ARL10: variants seen among roughly 807,000 people sequenced by gnomAD.
The protein encoded by ARL10 is ADP-ribosylation factor-like protein 10.
ARL10 carries 23 observed loss-of-function variants against 26.1 expected under a neutral mutation model. The ratio of observed to expected loss-of-function variants is 0.88; its 90% confidence interval spans 0.63 to 1.25. The LOEUF (loss-of-function observed/expected upper bound fraction) is 1.25. ARL10 is among the 50% of genes most tolerant of loss of function. The pLI, the probability that ARL10 is intolerant of heterozygous loss-of-function variation, is 0.00. For missense variants in ARL10, 300 were observed against 323.6 expected, an observed-to-expected ratio of 0.93 and a Z score of 0.56; for synonymous variants, 138 against 149.1, an observed-to-expected ratio of 0.93 and a Z score of 0.54.
chr5:176,394,751 G>A (rs550814307), intron 1 of ARL10, among the ~76,000 whole-genome samples: 1 of 152,024 alleles, frequency 6.6e-6, no homozygotes, highest in Non-Finnish European at 1.5e-5. Context: ...GGAGGCGGAG[G>A]TTGCAGTGAG....
chr5:176,369,155 GCCTC>G (rs1561772913), intron 3 of ARL10, 173 bp downstream of exon 3: 1 of 1,534,370 alleles, frequency 6.5e-7, no homozygotes, highest in East Asian at 2.4e-5. Context: ...CTTCCTCTTT[GCCTC>G]CCTATCATCT....
rs1164919828 is a variant in ARL10, at chr5:176,368,615, T to C, written c.386-192T>C. Among the ~76,000 whole-genome samples the C allele has an allele frequency of 1.3e-5, 2 of 151,824 alleles. No homozygotes were observed. The highest frequency in any genetic ancestry group is 2.9e-5 in the Non-Finnish European group (2 of 67,960). On this transcript the variant is annotated intron_variant, in intron 2 of 3. Coordinates refer to ENST00000310389, the MANE Select transcript of ARL10 (RefSeq NM_173664.6). This position sits in a 1 kb window ranked among gnomAD's most constrained non-coding sequence, Gnocchi z 4.1. ...CTGAGTAGCTGCGGAAACTGCGGTC[T>C]TTTCCTTGCCCCCGGCTGGTGGAAG...
At chr5:176,385,422 A>C (rs1238510221), downstream of ARL10, 10 of 758,234 alleles carry the variant, frequency 1.3e-5, no homozygotes, top group Admixed American at 3.9e-5. Flanking sequence ...CTCCCAAGCC[A>C]CAAGACCCAC....
At chr5:176,386,342 AG>A (rs1383911819), downstream of ARL10, 8 of 198,306 alleles carry the variant, frequency 4.0e-5, no homozygotes, top group Non-Finnish European at 8.4e-5. Context: ...CTTTATCTTT[AG>A]GGGAGCTGCT....
intron 1 of ARL10, chr5:176,387,078 C>CTTT: frequency 8.4e-6 from 2 of 237,590 alleles, no homozygotes; most frequent in Non-Finnish European, 8.3e-6. Flanking sequence ...CTCTCTCTCT[C>CTTT]TTTTTTTTTT....
At chr5:176,386,826 T>C (rs1262375452), downstream of ARL10, 3 of 1,611,898 alleles carry the variant, frequency 1.9e-6, no homozygotes, top group Non-Finnish European at 2.5e-6. Flanking sequence ...AAGGAATATA[T>C]GGACCACACC....
downstream of ARL10, chr5:176,393,059 G>A: frequency 1.7e-6 from 2 of 1,204,912 alleles, no homozygotes; most frequent in East Asian, 2.3e-5. This position sits in a 1 kb window ranked among gnomAD's most constrained non-coding sequence, Gnocchi z 4.4. Context: ...CCCCAGCCTT[G>A]TGCCCCCCTG....
In ARL10 at chr5:176,400,229, A is replaced by G. The variant is rs138900886; in HGVS notation, c.134-1512A>G. 5.5e-3 allele frequency among the ~76,000 whole-genome samples: 838 copies of G among 152,084 alleles called. 18 individuals are homozygous for G. Among genetic ancestry groups the G allele is most frequent in the Admixed American group, 0.037 (572 of 15,264 alleles). ...AAAAAGAAAGAAAGAAAGAAAGAAA[A>G]AAAGGAATAATATTAAGAACACCTC... On this transcript the variant is annotated intron_variant, in intron 1 of 1. Transcript: ENST00000514533.
intron 1 of ARL10, 65 bp from the exon 2 acceptor site, chr5:176,366,315 G>A: frequency 1.3e-6 from 2 of 1,526,412 alleles, no homozygotes; most frequent in Non-Finnish European, 1.8e-6. Context: ...GGTGCCTTCG[G>A]TCTTCCCTCG....
At chr5:176,402,366 A>G (rs1284773830), downstream of ARL10, among the ~76,000 whole-genome samples, 1 of 152,220 alleles carries the variant, frequency 6.6e-6, no homozygotes, top group Non-Finnish European at 1.5e-5. Flanking sequence ...ACAAAATTCA[A>G]GTGATCTGGT....
rs1329017230 is a variant in ARL10 at position 176,376,432 on chromosome 5, TG to T, written c.*4539del. Reference sequence around the variant, plus strand: ...GTTTCAGGGTGACTTATTGGGAAAATGGAGAGATACTGGCATTAATGGAATC... The same window carrying T: ...GTTTCAGGGTGACTTATTGGGAAAATGAGAGATACTGGCATTAATGGAATC... On this transcript the variant is annotated 3_prime_UTR_variant, in exon 4 of 4. Transcript: ENST00000310389. 1.4e-5 allele frequency: 2 copies of T among 147,044 alleles called. No homozygotes were observed. Among genetic ancestry groups the T allele is most frequent in the Non-Finnish European group, 3.0e-5 (2 of 67,128 alleles). The allele number at this position is 147,044 out of a possible 1,614,324, so 9.1% of individuals were successfully genotyped here.
chr5:176,397,291 G>T (rs529011743), intron 1 of ARL10, among the ~76,000 whole-genome samples: 1 of 151,626 alleles, frequency 6.6e-6, no homozygotes, highest in African/African-American at 2.4e-5. Flanking sequence ...GCAGTGTTCA[G>T]TCATGTCCCC....
chr5:176,388,707 G>A, downstream of ARL10: 1 of 1,457,248 alleles, frequency 6.9e-7, no homozygotes. Flanking sequence ...GATGCAACGA[G>A]CATTTGCGCC....
At chr5:176,394,557 C>T (rs1324657788) in intron 1 of ARL10, among the ~76,000 whole-genome samples, 17 of 151,960 alleles carry the variant, frequency 1.1e-4, no homozygotes, top group Admixed American at 7.9e-4. Flanking sequence ...GTGGCTCATG[C>T]CTGTAATCCC....
At chr5:176,386,644 T>TA, downstream of ARL10, 1 of 679,734 alleles carries the variant, frequency 1.5e-6, no homozygotes, top group Non-Finnish European at 2.7e-6. Context: ...GTTCACACAG[T>TA]AAGGTCAGGG....
chr5:176,385,417 A>G, downstream of ARL10: 1 of 787,470 alleles, frequency 1.3e-6, no homozygotes. Context: ...ACCCACTCCC[A>G]AGCCACAAGA....
At chr5:176,371,101 G>A (rs186309367) in intron 3 of ARL10, among the ~76,000 whole-genome samples, 13 of 152,296 alleles carry the variant, frequency 8.5e-5, no homozygotes, top group African/African-American at 2.2e-4. Context: ...CTAGCCGGGC[G>A]TGGTGGCTCA....
intron 1 of ARL10, among the ~76,000 whole-genome samples, chr5:176,394,405 C>T (rs1756395342): frequency 6.6e-6 from 1 of 152,264 alleles, no homozygotes; most frequent in African/African-American, 2.4e-5. Context: ...GGCGCAGTGG[C>T]TCACTCCTGT....
In ARL10 at chr5:176,368,284, C is replaced by T. The variant is rs1768395948; in HGVS notation, c.386-523C>T. Among the ~76,000 whole-genome samples the T allele has an allele frequency of 6.6e-6, 1 of 152,038 alleles. No individual in the cohort carries two copies. The highest frequency in any genetic ancestry group is 1.5e-5 in the Non-Finnish European group (1 of 67,980). On this transcript the variant is annotated intron_variant, in intron 2 of 3. Transcript: ENST00000310389. This position sits in a 1 kb window ranked among gnomAD's most constrained non-coding sequence, Gnocchi z 4.1. The stretch of plus-strand genomic sequence containing the variant: ...GGAGAATGGCTGTGTATAGGCAGGG[C>T]AGGGGGTCCTGAGTTTTCTAGACAA...
Sources: allele counts gnomAD v4.1 joint callset (sites outside exome capture counted in the v4.1 genomes callset), GRCh38; gene constraint gnomAD v4.1.1; non-coding constraint Gnocchi (gnomAD v3.1); transcripts MANE v1.5; gene names NCBI Gene and HGNC (gene_info 2026-07-23, HGNC 2026-07-21).